The following PAX2 variants were observed in gnomAD, a reference collection of about 807,000 sequenced individuals.
PAX2 encodes paired box protein Pax-2.
A neutral mutation model predicts 41.7 loss-of-function variants in PAX2; 9 were observed. The observed-to-expected ratio is 0.22, with a 90% CI of 0.13 to 0.38. The LOEUF is 0.38. PAX2 is among the 10% of genes least tolerant of loss of function. The pLI, the probability that PAX2 is intolerant of heterozygous loss-of-function variation, is 1.00. For missense variants in PAX2, 418 were observed against 531.6 expected (o/e 0.79, Z 2.10); for synonymous variants, 221 against 212.7 (o/e 1.04, Z -0.34).
In PAX2 at chr10:100,750,831, G is replaced by T; in HGVS notation, c.350G>T (p.Arg117Leu). 6.2e-7 allele frequency: 1 copy of T among 1,614,208 alleles called. No homozygotes were observed. The highest frequency in any genetic ancestry group is 8.5e-7 in the Non-Finnish European group (1 of 1,180,026). ...PTMFAWEIRD[R>L]LLAEGICDND... ...ATGTTCGCCTGGGAGATTCGAGACC[G>T]GCTCCTGGCCGAGGGCATCTGTGAC... Residue 117 changes from arginine (R) to leucine (L), a missense_variant, in exon 3 of 10, where the codon CGG becomes CTG. By Grantham distance (102) the Arg-to-Leu change is moderately radical (BLOSUM62 -2). This residue lies in a region of PAX2 where 108 missense variants were observed against 206.3 expected (regional missense o/e 0.52). Coordinates refer to ENST00000355243, the MANE Select transcript of PAX2 (RefSeq NM_000278.5). The surrounding 1 kb of genome is among the most constrained non-coding windows in gnomAD (Gnocchi z 4.1).
chr10:100,771,923 C>T (rs1846225941), intron 3 of PAX2, among the ~76,000 whole-genome samples: 1 of 152,106 alleles, frequency 6.6e-6, no homozygotes. Context: ...TTCTCTGCCT[C>T]AGCCTCCCCA....
At position 100,791,891 on chromosome 10, in the gene PAX2, TG is replaced by T. The variant is rs1426249604; in HGVS notation, c.616+10530del. Among the ~76,000 whole-genome samples, 1 of 152,152 alleles carries T rather than the reference TG, an allele frequency of 6.6e-6. No individual in the cohort carries two copies. The highest frequency in any genetic ancestry group is 2.4e-5 in the African/African-American group (1 of 41,452). On this transcript the variant is annotated intron_variant, in intron 5 of 9. Coordinates refer to ENST00000355243, the MANE Select transcript of PAX2 (RefSeq NM_000278.5). The surrounding 1 kb of genome is among the most constrained non-coding windows in gnomAD (Gnocchi z 4.5). ...GGAGCCGAGGGCACTGTGGGCCACCTGGGGCAGCCAGCTTGTAGGAGCCGCC... is the reference window on the plus strand; with the variant it reads ...GGAGCCGAGGGCACTGTGGGCCACCTGGGCAGCCAGCTTGTAGGAGCCGCC...
At chr10:100,802,069 G>A (rs556534562) in intron 5 of PAX2, among the ~76,000 whole-genome samples, 4 of 152,202 alleles carry the variant, frequency 2.6e-5, no homozygotes, top group African/African-American at 4.8e-5. Flanking sequence ...GGGGGCAGAC[G>A]GAGAATGAGG....
chr10:100,811,354 A>G (rs1446698727), intron 7 of PAX2, among the ~76,000 whole-genome samples: 1 of 152,218 alleles, frequency 6.6e-6, no homozygotes, highest in East Asian at 1.9e-4. Flanking sequence ...ATGATTTATG[A>G]TGTGTTTATT....
At position 100,827,311 on chromosome 10, in the gene PAX2, C is replaced by T. The variant is rs2133990265; in HGVS notation, c.1108+216C>T. 6.6e-6 allele frequency among the ~76,000 whole-genome samples: 1 copy of T among 152,328 alleles called. No individual in the cohort carries two copies. Among genetic ancestry groups the T allele is most frequent in the African/African-American group, 2.4e-5 (1 of 41,590 alleles). ...CTCGAAGGCTCTGCGCCGCCCTCGC[C>T]CTCGGATCCCCTGGAGGGTGCGCAG... On this transcript the variant is annotated intron_variant, in intron 9 of 9. Transcript: ENST00000355243. The surrounding 1 kb of genome is among the most constrained non-coding windows in gnomAD (Gnocchi z 8.5).
At chr10:100,813,595 C>T (rs1240188155) in intron 7 of PAX2, among the ~76,000 whole-genome samples, 3 of 152,042 alleles carry the variant, frequency 2.0e-5, no homozygotes, top group Non-Finnish European at 2.9e-5. Context: ...CCACACTGTC[C>T]GTGAAAGGCA....
intron 1 of PAX2, chr10:100,747,432 A>G (rs950140074): frequency 6.1e-6 from 1 of 163,442 alleles, no homozygotes; most frequent in African/African-American, 2.4e-5. Flanking sequence ...ATTTGAATTT[A>G]TGCCATGTCT....
chr10:100,789,579 T>C (rs895851257), intron 5 of PAX2, among the ~76,000 whole-genome samples: 35 of 152,252 alleles, frequency 2.3e-4, no homozygotes, highest in African/African-American at 7.5e-4. Context: ...GACAAGTTTC[T>C]GACTTTAACT....
chr10:100,783,397 G>T lies in PAX2; in HGVS notation c.616+2032G>T, dbSNP rs373081371. On this transcript the variant is annotated intron_variant, in intron 5 of 9. Transcript: ENST00000355243. The stretch of plus-strand genomic sequence containing the variant: ...GGTGGCGGGCCACAGGAACTGGGCT[G>T]GGGAGGGAGTACATGGCCAGGAAGG... Among the ~76,000 whole-genome samples the T allele has an allele frequency of 9.2e-5, 14 of 152,224 alleles. No homozygotes were observed. In the East Asian group the frequency reaches 2.1e-3, roughly 23 times the overall value.
intron 3 of PAX2, among the ~76,000 whole-genome samples, chr10:100,776,112 T>A (rs1846378008): frequency 6.6e-6 from 1 of 152,218 alleles, no homozygotes; most frequent in Admixed American, 6.5e-5. Context: ...TACAAGCTTA[T>A]CCAGGTCTTT....
Position 100,827,677 on chromosome 10 carries a change from C to G in PAX2, c.*58C>G. 6.2e-7 allele frequency: 1 copy of G among 1,613,278 alleles called. No homozygotes were observed. The highest frequency in any genetic ancestry group is 8.5e-7 in the Non-Finnish European group (1 of 1,179,812). ...ACAGCTTCGGCCTCCACATCGTCCCCGTCTGACCCCACCCCGGAGGGAGGG... is the reference window on the plus strand; with the variant it reads ...ACAGCTTCGGCCTCCACATCGTCCCGGTCTGACCCCACCCCGGAGGGAGGG... On this transcript the variant is annotated 3_prime_UTR_variant, in exon 10 of 10. Coordinates refer to ENST00000355243, the MANE Select transcript of PAX2 (RefSeq NM_000278.5). The surrounding 1 kb of genome is among the most constrained non-coding windows in gnomAD (Gnocchi z 8.5).
chr10:100,786,819 C>G (rs1846886518), intron 5 of PAX2: 1 of 529,892 alleles, frequency 1.9e-6, no homozygotes, highest in Non-Finnish European at 3.6e-6. Context: ...GGAATTGCAG[C>G]TCAGAACCCT....
chr10:100,749,460 T>C, intron 1 of PAX2: 1 of 1,269,462 alleles, frequency 7.9e-7, no homozygotes, highest in Non-Finnish European at 9.9e-7. Flanking sequence ...CCCTCTCCCC[T>C]CTTTTCTGTC....
chr10:100,821,402 C>T (rs1848376574), intron 7 of PAX2, among the ~76,000 whole-genome samples: 1 of 152,206 alleles, frequency 6.6e-6, no homozygotes, highest in African/African-American at 2.4e-5. Context: ...CAGCTGTATG[C>T]AGAACACGAG....
chr10:100,781,809 C>T (rs891153351), intron 5 of PAX2, among the ~76,000 whole-genome samples: 8 of 152,110 alleles, frequency 5.3e-5, no homozygotes, highest in Admixed American at 6.5e-5. Context: ...ACCTGCACAC[C>T]GCCCCCAGTT....
chr10:100,802,983 T>A (rs1847619459), intron 5 of PAX2, among the ~76,000 whole-genome samples: 2 of 152,020 alleles, frequency 1.3e-5, no homozygotes, highest in African/African-American at 4.8e-5. Context: ...ACTTTGCCCT[T>A]GGAAAGTCCC....
intron 3 of PAX2, among the ~76,000 whole-genome samples, chr10:100,762,470 T>C (rs1436371703): frequency 6.6e-6 from 1 of 152,158 alleles, no homozygotes; most frequent in African/African-American, 2.4e-5. Context: ...CAAGGAGTCA[T>C]TTAGTGCCGT....
intron 3 of PAX2, among the ~76,000 whole-genome samples, chr10:100,767,214 G>A (rs1049033212): frequency 3.9e-5 from 6 of 152,094 alleles, no homozygotes; most frequent in South Asian, 2.1e-4. Context: ...AGCCAATAGC[G>A]CAGCACCCAA....
intron 6 of PAX2, among the ~76,000 whole-genome samples, chr10:100,807,197 G>A (rs1369357397): frequency 1.3e-5 from 2 of 152,162 alleles, no homozygotes; most frequent in East Asian, 3.8e-4. Context: ...GGCACAGCAT[G>A]TAACACACCA....
Sources: allele counts gnomAD v4.1 joint callset (sites outside exome capture counted in the v4.1 genomes callset), GRCh38; gene constraint gnomAD v4.1.1; regional missense constraint gnomAD v4.1.1; non-coding constraint Gnocchi (gnomAD v3.1); transcripts MANE v1.5; gene names NCBI Gene and HGNC (gene_info 2026-07-23, HGNC 2026-07-21).